ANO5: variants seen among roughly 807,000 people sequenced by gnomAD.
ANO5 encodes the protein anoctamin-5.
ANO5 carries 109 observed loss-of-function variants against 121.0 expected under a neutral mutation model. That is an observed-to-expected ratio of 0.90 (90% confidence interval 0.77 to 1.06). ANO5 has a LOEUF of 1.06. ANO5 is among the 50% of genes least tolerant of loss of function. The pLI is 0.00. For synonymous variants in ANO5, 406 were observed against 359.9 expected, an observed-to-expected ratio of 1.13 and a Z score of -1.45; for missense variants, 1,064 against 1,078.5, an observed-to-expected ratio of 0.99 and a Z score of 0.19.
chr11:22,198,775 A>G (rs186503244), intron 1 of ANO5, among the ~76,000 whole-genome samples: 408 of 152,272 alleles, frequency 2.7e-3, no homozygotes, highest in Non-Finnish European at 5.0e-3. Flanking sequence ...AAGCCTCTCT[A>G]AGTCAATGTT....
intron 18 of ANO5, among the ~76,000 whole-genome samples, chr11:22,271,155 C>T (rs937307833): frequency 2.0e-5 from 3 of 152,140 alleles, no homozygotes; most frequent in Admixed American, 1.3e-4. Context: ...TGGGTTCAAG[C>T]GATTCTCCTG....
At chr11:22,192,518 T>C (rs548353238), upstream of ANO5, among the ~76,000 whole-genome samples, 60 of 152,126 alleles carry the variant, frequency 3.9e-4, 1 homozygote, top group Non-Finnish European at 7.4e-4. Context: ...GCTGGCACCT[T>C]GGAGTCTCGG....
At chr11:22,235,132 G>A (rs1853172503) in intron 7 of ANO5, among the ~76,000 whole-genome samples, 1 of 151,842 alleles carries the variant, frequency 6.6e-6, no homozygotes, top group African/African-American at 2.4e-5. Context: ...TTCAAATAAT[G>A]TATTTTCAGG....
chr11:22,219,937 C>A (rs561078566), intron 4 of ANO5, among the ~76,000 whole-genome samples: 1 of 133,212 alleles, frequency 7.5e-6, no homozygotes, highest in African/African-American at 2.7e-5. Flanking sequence ...CCACACATTT[C>A]TTCCTGTGCA....
chr11:22,246,046 G>A (rs77815933), intron 9 of ANO5, among the ~76,000 whole-genome samples: 11,051 of 151,950 alleles, frequency 0.073, 477 homozygotes, highest in Non-Finnish European at 0.098. Flanking sequence ...CTTGCCCTGC[G>A]CAGCCTATTT....
chr11:22,276,160 T>C lies in ANO5; in HGVS notation c.2481T>C (p.His827=), dbSNP rs750804063. ...ATTTTCATAATATGCAATTCTGGCA[T>C]GTCCTTGCTGCCAAGATGACCTTCA... ...NKYFHNMQFW[H]VLAAKMTFII... Residue 827 remains histidine, a synonymous_variant, in exon 21 of 22, where the codon CAT becomes CAC. Coordinates refer to ENST00000324559, the MANE Select transcript of ANO5 (RefSeq NM_213599.3). 15 of 1,611,696 alleles carry C rather than the reference T, an allele frequency of 9.3e-6. No individual in the cohort carries two copies. Among genetic ancestry groups the C allele is most frequent in the Non-Finnish European group, 1.3e-5 (15 of 1,178,212 alleles).
At chr11:22,277,188 C>A (rs996438999) in intron 21 of ANO5, among the ~76,000 whole-genome samples, 6 of 151,504 alleles carry the variant, frequency 4.0e-5, no homozygotes, top group Non-Finnish European at 8.9e-5. Context: ...CACACACACA[C>A]CCACACAGAC....
chr11:22,192,988 T>G (rs1266254556), upstream of ANO5: 5 of 976,748 alleles, frequency 5.1e-6, no homozygotes, highest in African/African-American at 3.7e-5. Flanking sequence ...TCTCCGAGGG[T>G]GGGGCGCCGG....
intron 3 of ANO5, among the ~76,000 whole-genome samples, chr11:22,217,489 T>A (rs1477531774): frequency 6.6e-6 from 1 of 151,880 alleles, no homozygotes; most frequent in Non-Finnish European, 1.5e-5. Context: ...TCAGTATAAA[T>A]GTGGTAATTT....
intron 7 of ANO5, among the ~76,000 whole-genome samples, chr11:22,233,694 AGAG>A (rs1255043436): frequency 6.6e-6 from 1 of 152,082 alleles, no homozygotes; most frequent in Non-Finnish European, 1.5e-5. Flanking sequence ...TTGTTTTATG[AGAG>A]GAGGAGCAGG....
chr11:22,193,643 A>C, intron 1 of ANO5, 111 bp downstream of exon 1: 1 of 1,363,234 alleles, frequency 7.3e-7, no homozygotes, highest in Non-Finnish European at 1.0e-6. Context: ...CCTGAGTCCT[A>C]GGGAGGTTCG....
intron 18 of ANO5, among the ~76,000 whole-genome samples, chr11:22,271,389 G>T (rs1854607753): frequency 6.6e-6 from 1 of 152,082 alleles, no homozygotes; most frequent in African/African-American, 2.4e-5. Flanking sequence ...ATAAAACCGT[G>T]GTAGGATACA....
rs370610082 is a variant in ANO5, at chr11:22,270,370, A to G, written c.1957A>G (p.Ser653Gly). ...TCGGACAAACTCTGAGAAGCTGTAT[A>G]GTCGATGGGAGCAGGATCATGACCT... is the stretch of plus-strand genomic sequence containing the variant. ...KARTNSEKLY[S>G]RWEQDHDLES... is the part of the protein sequence containing the mutation. Residue 653 changes from serine to glycine, a missense_variant, in exon 18 of 22, where the codon AGT (serine) becomes GGT (glycine). Physicochemically the swap from Ser to Gly is moderately conservative, Grantham distance 56 (BLOSUM62 0). Transcript: ENST00000324559. 8 of 1,614,062 alleles carry G rather than the reference A, an allele frequency of 5.0e-6. No individual in the cohort carries two copies. Among genetic ancestry groups the G allele is most frequent in the African/African-American group, 2.7e-5 (2 of 74,930 alleles).
intron 3 of ANO5, among the ~76,000 whole-genome samples, chr11:22,211,634 A>T (rs1852279741): frequency 6.6e-6 from 1 of 151,736 alleles, no homozygotes; most frequent in Non-Finnish European, 1.5e-5. Context: ...GCTTGACTAC[A>T]CTCAAGTTTC....
chr11:22,197,349 CTTT>C (rs11308210), intron 1 of ANO5, among the ~76,000 whole-genome samples: 89 of 139,358 alleles, frequency 6.4e-4, no homozygotes, highest in African/African-American at 2.2e-3. Context: ...TGGAATTTAA[CTTT>C]TTTTTTTTTT....
chr11:22,263,239 T>A (rs1178795234), intron 17 of ANO5, among the ~76,000 whole-genome samples, 196 bp downstream of exon 17: 1 of 152,148 alleles, frequency 6.6e-6, no homozygotes, highest in Non-Finnish European at 1.5e-5. Flanking sequence ...TTATTTATTT[T>A]GGTTCCATGG....
intron 18 of ANO5, among the ~76,000 whole-genome samples, chr11:22,271,313 G>T (rs146992425): frequency 0.017 from 2,517 of 152,230 alleles, 69 homozygotes; most frequent in African/African-American, 0.057. Context: ...CTCCCAAAGT[G>T]CTGGGATTAC....
chr11:22,270,502 C>T, intron 18 of ANO5, 60 bp downstream of exon 18: 1 of 1,600,348 alleles, frequency 6.2e-7, no homozygotes, highest in Non-Finnish European at 8.6e-7. Context: ...TTTTTCAGCT[C>T]CAGATACTTC....
chr11:22,195,433 T>G (rs905558757), intron 1 of ANO5, among the ~76,000 whole-genome samples: 1 of 152,060 alleles, frequency 6.6e-6, no homozygotes, highest in Admixed American at 6.6e-5. Context: ...ATTTTTTTTT[T>G]TTTTTTATTT....
Sources: gnomAD v4.1 joint callset for allele counts (sites outside exome capture counted in the v4.1 genomes callset) on GRCh38, gnomAD v4.1.1 for gene constraint, MANE v1.5 for transcripts, NCBI Gene and HGNC (gene_info 2026-07-23, HGNC 2026-07-21) for gene names.